SORCS1: variants seen among roughly 807,000 people sequenced by gnomAD.
SORCS1 encodes sortilin related VPS10 domain containing receptor 1, also known as VPS10 domain-containing receptor SorCS1.
Under a neutral mutation model 146.1 loss-of-function variants are expected in SORCS1, and 60 were observed. That is an observed-to-expected ratio of 0.41 (90% confidence interval 0.33 to 0.51). The LOEUF is 0.51. Ranked by LOEUF, SORCS1 falls within the 20% of genes least tolerant of loss-of-function variation. The probability of loss-of-function intolerance (pLI) is 0.21; values close to 1 mark genes in which losing one functional copy is unlikely to be tolerated. For missense variants in SORCS1, 1,352 were observed against 1,487.6 expected, an observed-to-expected ratio of 0.91 and a Z score of 1.50; for synonymous variants, 637 against 584.0, an observed-to-expected ratio of 1.09 and a Z score of -1.31.
intron 2 of SORCS1, among the ~76,000 whole-genome samples, chr10:106,834,497 T>C (rs962048795): frequency 6.6e-6 from 1 of 152,096 alleles, no homozygotes; most frequent in Non-Finnish European, 1.5e-5. Flanking sequence ...GGATATCTAA[T>C]GAGATTAGTG....
At chr10:106,814,549 A>C (rs759156476) in intron 3 of SORCS1, among the ~76,000 whole-genome samples, 2 of 152,230 alleles carry the variant, frequency 1.3e-5, no homozygotes, top group Admixed American at 6.5e-5. Context: ...TATTTTTATA[A>C]GGATAAGATG....
intron 1 of SORCS1, among the ~76,000 whole-genome samples, chr10:107,098,470 T>A (rs57228093): frequency 0.028 from 4,255 of 152,282 alleles, 198 homozygotes; most frequent in African/African-American, 0.096. Context: ...TTTGGTTTTT[T>A]CCACCATTCA....
chr10:107,179,224 G>A, the SORCS1 span, among the ~76,000 whole-genome samples: 1 of 152,126 alleles, frequency 6.6e-6, no homozygotes, highest in Non-Finnish European at 1.5e-5. Context: ...GTGATGTTGA[G>A]CATTTTTTCA....
intron 1 of SORCS1, among the ~76,000 whole-genome samples, chr10:106,985,828 C>T (rs1956446880): frequency 6.6e-6 from 1 of 151,986 alleles, no homozygotes; most frequent in Non-Finnish European, 1.5e-5. Flanking sequence ...AGCCACCGAG[C>T]CTGGACTCAT....
intron 1 of SORCS1, among the ~76,000 whole-genome samples, chr10:107,056,805 T>A (rs1049906904): frequency 6.6e-6 from 1 of 152,256 alleles, no homozygotes; most frequent in Non-Finnish European, 1.5e-5. Context: ...CTAACTTTAC[T>A]ATAATTTTAC....
intron 2 of SORCS1, among the ~76,000 whole-genome samples, chr10:106,849,509 A>G (rs879312947): frequency 9.8e-4 from 145 of 147,606 alleles, no homozygotes; most frequent in Non-Finnish European, 1.8e-3. Flanking sequence ...CAAAGTTTTC[A>G]ACTTCTTTGC....
chr10:107,151,897 C>T (rs1035261169), intron 1 of SORCS1, among the ~76,000 whole-genome samples: 15 of 152,100 alleles, frequency 9.9e-5, no homozygotes, highest in African/African-American at 3.4e-4. Flanking sequence ...TAACAAGGAG[C>T]CAAATGTTAA....
chr10:107,174,074 A>G, the SORCS1 span, among the ~76,000 whole-genome samples: 1 of 152,226 alleles, frequency 6.6e-6, no homozygotes, highest in African/African-American at 2.4e-5. Flanking sequence ...TCAATCAGGG[A>G]TAAATCAGTA....
chr10:106,852,035 T>C (rs1303501368), intron 2 of SORCS1, among the ~76,000 whole-genome samples: 1 of 152,212 alleles, frequency 6.6e-6, no homozygotes, highest in African/African-American at 2.4e-5. Context: ...ATATTAACCT[T>C]ATATTGTACA....
Position 106,960,584 on chromosome 10 carries a change from G to A in SORCS1, c.559-4004C>T, listed in dbSNP as rs559536867. On this transcript the variant is annotated intron_variant, in intron 1 of 25. Transcript: ENST00000263054. The surrounding 1 kb of genome is among the most constrained non-coding windows in gnomAD (Gnocchi z 4.4). ...CACCCAGCTAATTTTTGTACTTTTA[G>A]TAGAGATGGGATTTCACCATGTTGA... Among the ~76,000 whole-genome samples, 45 of 152,092 alleles carry A rather than the reference G, an allele frequency of 3.0e-4. No individual in the cohort carries two copies. In the South Asian group the frequency reaches 8.3e-3, roughly 28 times the overall value.
rs752457512 is a variant in SORCS1, at chr10:106,942,258, C to T, written c.626+14255G>A. Among the ~76,000 whole-genome samples, 13 of 152,230 alleles carry T rather than the reference C, an allele frequency of 8.5e-5. No individual in the cohort carries two copies. In the Middle Eastern group the frequency reaches 0.01, roughly 119 times the overall value. ...TTCAGGCTCTTAAATATGAATGGAT[C>T]GAAGGTCCTACTGTTTCACTGTTTG... On this transcript the variant is annotated intron_variant, in intron 2 of 25. Transcript: ENST00000263054.
intron 2 of SORCS1, among the ~76,000 whole-genome samples, chr10:106,858,311 G>A (rs952580714): frequency 6.6e-5 from 10 of 152,004 alleles, no homozygotes; most frequent in South Asian, 2.1e-4. Flanking sequence ...ATACAGATCC[G>A]GTGAGATAAG....
intron 2 of SORCS1, among the ~76,000 whole-genome samples, chr10:106,942,932 T>C (rs1261720660): frequency 6.6e-6 from 1 of 152,206 alleles, no homozygotes; most frequent in African/African-American, 2.4e-5. Flanking sequence ...GTTCCTTTAG[T>C]CTGTCACCTC....
chr10:106,824,605 A>G (rs933305635), intron 3 of SORCS1, among the ~76,000 whole-genome samples: 17 of 151,620 alleles, frequency 1.1e-4, no homozygotes, highest in Admixed American at 9.8e-4. Flanking sequence ...AAAAAAAAAA[A>G]GTCACATACA....
At chr10:107,150,294 A>G (rs1486123324) in intron 1 of SORCS1, among the ~76,000 whole-genome samples, 1 of 152,248 alleles carries the variant, frequency 6.6e-6, no homozygotes, top group East Asian at 1.9e-4. Context: ...GTATAAAAGG[A>G]AAGGTTAAAA....
intron 4 of SORCS1, among the ~76,000 whole-genome samples, chr10:106,766,994 T>C (rs553210566): frequency 6.6e-6 from 1 of 152,228 alleles, no homozygotes; most frequent in Non-Finnish European, 1.5e-5. Flanking sequence ...CTTTGGTCAA[T>C]AGCAAGAGAC....
At chr10:106,843,799 T>C (rs561237371) in intron 2 of SORCS1, among the ~76,000 whole-genome samples, 1 of 152,340 alleles carries the variant, frequency 6.6e-6, no homozygotes, top group African/African-American at 2.4e-5. Context: ...TCTTTATCCA[T>C]TGATTTCTCA....
At chr10:106,729,788 T>A (rs1856462631) in intron 6 of SORCS1, among the ~76,000 whole-genome samples, 1 of 152,170 alleles carries the variant, frequency 6.6e-6, no homozygotes, top group Non-Finnish European at 1.5e-5. Flanking sequence ...ACAGGAAATG[T>A]CTTCATGCCT....
In SORCS1 at chr10:107,105,118, T is replaced by C. The variant is rs117157485; in HGVS notation, c.558+58851A>G. Among the ~76,000 whole-genome samples the C allele has an allele frequency of 4.7e-3, 723 of 152,300 alleles. 3 individuals carry two copies. The highest frequency in any genetic ancestry group is 8.2e-3 in the Non-Finnish European group (559 of 68,020). ...AAACAGTTAACATGTATTCAGCAAG[T>C]AGTGAGTTAATAACTGTGTTTAGCA... On this transcript the variant is annotated intron_variant, in intron 1 of 25. Transcript: ENST00000263054.
Sources: allele counts gnomAD v4.1 joint callset (sites outside exome capture counted in the v4.1 genomes callset), GRCh38; gene constraint gnomAD v4.1.1; non-coding constraint Gnocchi (gnomAD v3.1); transcripts MANE v1.5; gene names NCBI Gene and HGNC (gene_info 2026-07-23, HGNC 2026-07-21).